Variants in GRID2 observed in about 807,000 individuals in gnomAD.
The protein encoded by GRID2 is glutamate receptor ionotropic, delta-2.
Under a neutral mutation model 114.8 loss-of-function variants are expected in GRID2, and 33 were observed. The ratio of observed to expected loss-of-function variants is 0.29; its 90% CI spans 0.22 to 0.38. GRID2 has a LOEUF of 0.38. GRID2 is among the 10% of genes least tolerant of loss of function. GRID2 has a pLI of 1.00. For synonymous variants in GRID2, 505 were observed against 449.9 expected (o/e 1.12, Z -1.55); for missense variants, 1,184 against 1,257.7 (o/e 0.94, Z 0.89).
At chr4:93,585,167 T>G (rs11932917) in intron 13 of GRID2, among the ~76,000 whole-genome samples, 34,107 of 152,010 alleles carry the variant, frequency 0.22, 4,180 homozygotes, top group Middle Eastern at 0.35. Flanking sequence ...AGTAGCAATT[T>G]CTTTGATTGA....
chr4:93,099,192 A>G (rs1412437260), intron 3 of GRID2, among the ~76,000 whole-genome samples: 1 of 151,940 alleles, frequency 6.6e-6, no homozygotes, highest in Admixed American at 6.6e-5. Flanking sequence ...GTAGGCATAC[A>G]TATACACATG....
chr4:92,981,458 G>A (rs986242009), intron 2 of GRID2, among the ~76,000 whole-genome samples: 1 of 151,934 alleles, frequency 6.6e-6, no homozygotes, highest in Admixed American at 6.6e-5. Context: ...TGTATTCCAT[G>A]TCTACACTTG....
intron 13 of GRID2, among the ~76,000 whole-genome samples, chr4:93,596,113 C>T (rs1476590736): frequency 1.3e-5 from 2 of 152,128 alleles, no homozygotes; most frequent in Non-Finnish European, 2.9e-5. Flanking sequence ...TTCCTATTGC[C>T]TTGTGTTTAT....
At chr4:92,728,682 G>A (rs142078614) in intron 2 of GRID2, among the ~76,000 whole-genome samples, 74 of 151,948 alleles carry the variant, frequency 4.9e-4, no homozygotes, top group African/African-American at 1.7e-3. Flanking sequence ...AACTCAAGTG[G>A]AAGGCACTGC....
At chr4:93,383,275 C>G (rs536565778) in intron 8 of GRID2, among the ~76,000 whole-genome samples, 7 of 152,228 alleles carry the variant, frequency 4.6e-5, no homozygotes, top group African/African-American at 1.4e-4. Flanking sequence ...AGTAAGCAAT[C>G]AGAGCACAGA....
At chr4:93,593,841 T>C (rs1421666980) in intron 13 of GRID2, among the ~76,000 whole-genome samples, 4 of 152,156 alleles carry the variant, frequency 2.6e-5, no homozygotes, top group Non-Finnish European at 5.9e-5. Context: ...TTCCAGTTGA[T>C]CGCATCGGCT....
At position 92,481,819 on chromosome 4, in the gene GRID2, T is replaced by C. The variant is rs541862881; in HGVS notation, c.89-108312T>C. 8.5e-4 allele frequency among the ~76,000 whole-genome samples: 129 copies of C among 151,686 alleles called. No individual in the cohort carries two copies. The Middle Eastern group carries it at 0.01, about 12-fold the overall frequency. On this transcript the variant is annotated intron_variant, in intron 1 of 15. Coordinates refer to ENST00000282020, the MANE Select transcript of GRID2 (RefSeq NM_001510.4). The stretch of plus-strand genomic sequence containing the variant: ...AGCATGACCATTTTAACAATATTGA[T>C]TCTTTCAATCCATGAGCTTAGAAAG...
At chr4:92,572,796 A>G (rs1304795261) in intron 1 of GRID2, among the ~76,000 whole-genome samples, 1 of 151,766 alleles carries the variant, frequency 6.6e-6, no homozygotes, top group East Asian at 1.9e-4. Flanking sequence ...TTTTTCTTGT[A>G]TCTGTCAGAT....
Position 93,422,972 on chromosome 4 carries a change from A to G in GRID2, c.1545+4A>G. On this transcript the variant is annotated splice_donor_region_variant and intron_variant, in intron 10 of 15. Coordinates refer to ENST00000282020, the MANE Select transcript of GRID2 (RefSeq NM_001510.4). ...GGTAGGAGAACTTGTCTTTAAGGTA[A>G]GAATTACTTTATTTATTTGTCTCAT... 1.3e-6 allele frequency: 2 copies of G among 1,580,688 alleles called. No individual in the cohort carries two copies. The highest frequency in any genetic ancestry group is 1.1e-5 in the South Asian group (1 of 90,306).
At chr4:93,534,646 T>A in intron 13 of GRID2, among the ~76,000 whole-genome samples, 1 of 152,066 alleles carries the variant, frequency 6.6e-6, no homozygotes. Flanking sequence ...CCCCAAAAAA[T>A]TAAACAAAAG....
At chr4:92,980,928 T>A (rs1754172980) in intron 2 of GRID2, among the ~76,000 whole-genome samples, 1 of 152,092 alleles carries the variant, frequency 6.6e-6, no homozygotes, top group Admixed American at 6.6e-5. Flanking sequence ...CCACATTGTT[T>A]CACTTACTTT....
chr4:93,475,646 C>T (rs1160113516), intron 11 of GRID2, among the ~76,000 whole-genome samples: 2 of 152,044 alleles, frequency 1.3e-5, no homozygotes, highest in East Asian at 1.9e-4. Context: ...AGTAACCAAC[C>T]TCAGAAATTC....
At chr4:92,869,161 T>C (rs1745100726) in intron 2 of GRID2, among the ~76,000 whole-genome samples, 1 of 152,204 alleles carries the variant, frequency 6.6e-6, no homozygotes, top group Admixed American at 6.5e-5. Context: ...TTAAAAACAT[T>C]AGATTACATC....
At chr4:92,424,994 A>G (rs79951194) in intron 1 of GRID2, among the ~76,000 whole-genome samples, 3,589 of 152,054 alleles carry the variant, frequency 0.024, 147 homozygotes, top group African/African-American at 0.082. Context: ...TAAGTCTTGT[A>G]TTGTTATTAA....
At chr4:92,782,642 C>A (rs1235707068) in intron 2 of GRID2, among the ~76,000 whole-genome samples, 1 of 152,048 alleles carries the variant, frequency 6.6e-6, no homozygotes, top group Non-Finnish European at 1.5e-5. Context: ...GATTAGAGAG[C>A]ATGATCCTGA....
chr4:93,631,309 T>A (rs989306504), intron 14 of GRID2, among the ~76,000 whole-genome samples: 2 of 152,142 alleles, frequency 1.3e-5, no homozygotes, highest in Admixed American at 1.3e-4. Context: ...GTTGGTGTGC[T>A]GCACCCATTA....
intron 8 of GRID2, among the ~76,000 whole-genome samples, chr4:93,379,449 G>A (rs765583058): frequency 1.3e-5 from 2 of 151,932 alleles, no homozygotes; most frequent in Non-Finnish European, 2.9e-5. Context: ...CTTGACTTTA[G>A]AAAGTCAAAC....
intron 9 of GRID2, among the ~76,000 whole-genome samples, chr4:93,404,414 T>G (rs191195386): frequency 4.6e-5 from 7 of 152,182 alleles, no homozygotes; most frequent in Admixed American, 4.6e-4. Context: ...TAAAGCTACT[T>G]TTTAAAAAAG....
chr4:92,515,911 A>G (rs887962863), intron 1 of GRID2, among the ~76,000 whole-genome samples: 1 of 151,990 alleles, frequency 6.6e-6, no homozygotes, highest in Non-Finnish European at 1.5e-5. Context: ...ATTTTTACAT[A>G]GAAAGTAGAT....
Sources: allele counts gnomAD v4.1 joint callset (sites outside exome capture counted in the v4.1 genomes callset), GRCh38; gene constraint gnomAD v4.1.1; transcripts MANE v1.5; gene names NCBI Gene and HGNC (gene_info 2026-07-23, HGNC 2026-07-21).